The following FHAD1 variants were observed in gnomAD, a reference collection of about 807,000 sequenced individuals.
FHAD1 encodes forkhead associated phosphopeptide binding domain 1.
In FHAD1, 146 loss-of-function variants were observed where a neutral mutation model predicts 191.3. The observed-to-expected ratio is 0.76, with a 90% CI of 0.67 to 0.88. FHAD1 has a LOEUF of 0.88. Ranked by LOEUF, FHAD1 falls within the 40% of genes least tolerant of loss-of-function variation. FHAD1 has a pLI of 0.00. For missense variants in FHAD1, 1,635 were observed against 1,785.8 expected, an observed-to-expected ratio of 0.92 and a Z score of 1.52; for synonymous variants, 616 against 672.3, an observed-to-expected ratio of 0.92 and a Z score of 1.29.
At chr1:15,288,761 G>A (rs1185720095) in intron 3 of FHAD1, among the ~76,000 whole-genome samples, 1 of 152,214 alleles carries the variant, frequency 6.6e-6, no homozygotes, top group Admixed American at 6.5e-5. Context: ...GGTGTTCAGA[G>A]TCCCTTGTTC....
chr1:15,324,780 C>T (rs1292896311), intron 11 of FHAD1: 2 of 555,598 alleles, frequency 3.6e-6, no homozygotes, highest in African/African-American at 3.8e-5. Context: ...GAATAGTTTA[C>T]GATGACCCGA....
upstream of FHAD1, among the ~76,000 whole-genome samples, chr1:15,243,465 A>C (rs990934247): frequency 1.3e-5 from 2 of 152,104 alleles, no homozygotes; most frequent in Non-Finnish European, 2.9e-5. Context: ...GGAAGCCTCC[A>C]CACCTCTCCT....
chr1:15,283,156 T>G (rs1403747809), intron 3 of FHAD1, among the ~76,000 whole-genome samples: 2 of 152,228 alleles, frequency 1.3e-5, no homozygotes, highest in Admixed American at 1.3e-4. Flanking sequence ...TTTCAGGTAG[T>G]TGGGTCATTG....
chr1:15,248,082 GATAA>G lies in FHAD1; in HGVS notation c.-15+691_-15+694del, dbSNP rs1380406344. 5.3e-5 allele frequency among the ~76,000 whole-genome samples: 8 copies of G among 151,532 alleles called. 1 individual carries two copies. The highest frequency in any genetic ancestry group is 1.9e-4 in the African/African-American group (8 of 41,142). On this transcript the variant is annotated intron_variant, in intron 1 of 33. Transcript: ENST00000688493. ...TTTTTTTTTCCAGAATGTCATCTAG[GATAA>G]ATACTGAAGGGGAAAATGAAAGGTA...
Position 15,329,417 on chromosome 1 carries a change from G to A in FHAD1, c.1782G>A (p.Val594=). The change falls in exon 14 of 34, where the codon GTG becomes GTA. Residue 594 remains valine (V), a synonymous_variant. Transcript: ENST00000688493. This position sits in a 1 kb window ranked among gnomAD's most constrained non-coding sequence, Gnocchi z 5.0. ...KEVDLLQHLQ[V]SPPVSGLQKV... ...TCGACCTTCTTCAGCACCTCCAGGT[G>A]AGCCCACCTGTCTCGGGGCTCCAGA... 1 of 1,551,280 alleles carries A rather than the reference G, an allele frequency of 6.4e-7. No individual in the cohort carries two copies. The highest frequency in any genetic ancestry group is 1.4e-5 in the African/African-American group (1 of 73,138).
At chr1:15,282,043 C>A (rs1212730976) in intron 3 of FHAD1, among the ~76,000 whole-genome samples, 1 of 152,108 alleles carries the variant, frequency 6.6e-6, no homozygotes, top group Non-Finnish European at 1.5e-5. Flanking sequence ...GGTGCTTATC[C>A]CTCTAACAGG....
At chr1:15,394,334 A>G (rs1216308486) in intron 33 of FHAD1, among the ~76,000 whole-genome samples, 1 of 152,212 alleles carries the variant, frequency 6.6e-6, no homozygotes, top group Non-Finnish European at 1.5e-5. Context: ...ACACCGGCTC[A>G]GGGCACTGGC....
chr1:15,258,663 C>T (rs1649515179), intron 2 of FHAD1, among the ~76,000 whole-genome samples: 1 of 151,650 alleles, frequency 6.6e-6, no homozygotes, highest in South Asian at 2.1e-4. Flanking sequence ...CGGCTCACTG[C>T]CAACCTCTGC....
intron 2 of FHAD1, among the ~76,000 whole-genome samples, chr1:15,265,774 C>T (rs893872981): frequency 2.6e-5 from 4 of 151,892 alleles, no homozygotes; most frequent in African/African-American, 7.3e-5. Context: ...GAGTTTGAGA[C>T]CAGCCTGGCT....
chr1:15,278,180 C>G lies in FHAD1; in HGVS notation c.300+5651C>G, dbSNP rs560284351. Reference sequence around the variant, plus strand: ...CCATGCCCACCAGTGTTTTTCTGCTCCAATGGCAGAGTTGAGTAGACAGAG... The same window carrying G: ...CCATGCCCACCAGTGTTTTTCTGCTGCAATGGCAGAGTTGAGTAGACAGAG... On this transcript the variant is annotated intron_variant, in intron 3 of 33. Transcript: ENST00000688493. 3.3e-5 allele frequency among the ~76,000 whole-genome samples: 5 copies of G among 150,652 alleles called. No individual in the cohort carries two copies. The South Asian group carries it at 1.1e-3, about 32-fold the overall frequency.
intron 2 of FHAD1, among the ~76,000 whole-genome samples, chr1:15,257,275 C>T (rs1440382486): frequency 2.6e-5 from 4 of 152,230 alleles, no homozygotes; most frequent in African/African-American, 4.8e-5. Context: ...CCTCCCCTCC[C>T]GAGTGGAGCA....
chr1:15,343,296 C>T (rs960902812), intron 16 of FHAD1, among the ~76,000 whole-genome samples: 10 of 152,120 alleles, frequency 6.6e-5, no homozygotes, highest in Admixed American at 4.6e-4. Flanking sequence ...AGTGCAGCCA[C>T]GGTTGCGAGC....
At chr1:15,363,969 C>A in intron 23 of FHAD1, 1 of 348,988 alleles carries the variant, frequency 2.9e-6, no homozygotes, top group South Asian at 2.2e-5. Flanking sequence ...GACAAGGATA[C>A]TCAGCCTCCG....
At chr1:15,245,095 G>C (rs1645849119), upstream of FHAD1, among the ~76,000 whole-genome samples, 1 of 152,160 alleles carries the variant, frequency 6.6e-6, no homozygotes, top group Admixed American at 6.5e-5. Flanking sequence ...AACTGATAGA[G>C]TGAGAACTCA....
chr1:15,278,228 AAAT>A (rs1659176323), intron 3 of FHAD1, among the ~76,000 whole-genome samples: 1 of 152,238 alleles, frequency 6.6e-6, no homozygotes, highest in East Asian at 1.9e-4. Flanking sequence ...ACAAAGCCAA[AAAT>A]ATTTACTCTC....
At chr1:15,330,198 T>C (rs1450604666) in intron 14 of FHAD1, 1 of 152,322 alleles carries the variant, frequency 6.6e-6, no homozygotes, top group East Asian at 1.9e-4. Context: ...TCCCCTATCA[T>C]GGGCACTTAG....
chr1:15,383,296 C>G, intron 31 of FHAD1: 1 of 459,844 alleles, frequency 2.2e-6, no homozygotes, highest in Non-Finnish European at 4.4e-6. Flanking sequence ...GGTGCTTGTC[C>G]CGTCTCTGAA....
intron 22 of FHAD1, among the ~76,000 whole-genome samples, chr1:15,361,167 G>C (rs1694683132): frequency 1.3e-5 from 2 of 152,180 alleles, no homozygotes; most frequent in South Asian, 4.1e-4. Context: ...GCACTTATTT[G>C]CCCCAAATGG....
downstream of FHAD1, among the ~76,000 whole-genome samples, chr1:15,398,725 G>A (rs1380314254): frequency 1.3e-5 from 2 of 148,670 alleles, no homozygotes; most frequent in African/African-American, 2.5e-5. Context: ...CTCCTTCCAA[G>A]TTCTGCCTTC....
Sources: allele counts gnomAD v4.1 joint callset (sites outside exome capture counted in the v4.1 genomes callset), GRCh38; gene constraint gnomAD v4.1.1; non-coding constraint Gnocchi (gnomAD v3.1); transcripts MANE v1.5; gene names NCBI Gene and HGNC (gene_info 2026-07-23, HGNC 2026-07-21).